The following PTPRN2 variants were observed in gnomAD, a reference collection of about 807,000 sequenced individuals.
The protein encoded by PTPRN2 is receptor-type tyrosine-protein phosphatase N2.
In PTPRN2, 74 loss-of-function variants were observed where a neutral mutation model predicts 118.8. The ratio of observed to expected loss-of-function variants is 0.62; its 90% CI spans 0.52 to 0.76. The LOEUF (loss-of-function observed/expected upper bound fraction) is 0.76, where lower values mean the gene tolerates loss of function less well. PTPRN2 is among the 30% of genes least tolerant of loss of function. The probability of loss-of-function intolerance (pLI) is 0.00; values close to 1 mark genes in which losing one functional copy is unlikely to be tolerated. For synonymous variants in PTPRN2, 641 were observed against 608.0 expected, an observed-to-expected ratio of 1.05 and a Z score of -0.80; for missense variants, 1,481 against 1,394.4, an observed-to-expected ratio of 1.06 and a Z score of -0.99.
intron 2 of PTPRN2, among the ~76,000 whole-genome samples, chr7:158,321,314 G>A (rs1052373319): frequency 5.3e-5 from 8 of 152,294 alleles, no homozygotes; most frequent in African/African-American, 1.7e-4. Flanking sequence ...CCCCTCCTCT[G>A]CGGGACTCCT....
At chr7:158,150,438 C>T (rs376401834) in intron 6 of PTPRN2, among the ~76,000 whole-genome samples, 6 of 152,154 alleles carry the variant, frequency 3.9e-5, no homozygotes, top group East Asian at 3.9e-4. Flanking sequence ...GCAGCTCTGC[C>T]GCCCTGACCT....
chr7:158,351,942 GACCGC>G (rs1199622836), intron 2 of PTPRN2, among the ~76,000 whole-genome samples: 22 of 107,438 alleles, frequency 2.0e-4, no homozygotes, highest in Non-Finnish European at 2.8e-4. Flanking sequence ...CTCCCCTCCT[GACCGC>G]TCCCCTCCTG....
At chr7:158,054,133 G>A (rs1465119213) in intron 11 of PTPRN2, among the ~76,000 whole-genome samples, 1 of 152,160 alleles carries the variant, frequency 6.6e-6, no homozygotes, top group Admixed American at 6.5e-5. Flanking sequence ...AGACCCTAGA[G>A]AGCATGGGGG....
chr7:157,841,579 A>T (rs577183208), intron 12 of PTPRN2, among the ~76,000 whole-genome samples: 2 of 152,198 alleles, frequency 1.3e-5, no homozygotes, highest in Non-Finnish European at 2.9e-5. Flanking sequence ...AGGGCCAGTA[A>T]TTACCCGAGG....
At chr7:157,998,840 C>G (rs543875475) in intron 11 of PTPRN2, among the ~76,000 whole-genome samples, 16 of 149,394 alleles carry the variant, frequency 1.1e-4, no homozygotes, top group South Asian at 2.2e-4. Flanking sequence ...AAAAAAAACT[C>G]TACTTCAAGT....
At position 158,262,623 on chromosome 7, in the gene PTPRN2, ACATT is replaced by A. The variant is rs1305842728; in HGVS notation, c.277+54192_277+54195del. ...ATTCACACACACTGCACACACACATACATTCACACTGCAAACATTCACTGCACAC... is the reference window on the plus strand; with the variant it reads ...ATTCACACACACTGCACACACACATACACACTGCAAACATTCACTGCACAC... On this transcript the variant is annotated intron_variant, in intron 3 of 22. Transcript: ENST00000389418. 2.3e-5 allele frequency among the ~76,000 whole-genome samples: 3 copies of A among 131,614 alleles called. No individual in the cohort carries two copies. The East Asian group carries it at 6.1e-4, about 27-fold the overall frequency. The allele number at this position is 131,614 out of a possible 152,430, so 86.3% of individuals were successfully genotyped here. A position where few individuals can be genotyped will look rare whatever the true frequency, so the allele number is the denominator to read the frequency against.
chr7:158,334,207 C>T (rs1805111828), intron 2 of PTPRN2, among the ~76,000 whole-genome samples: 1 of 822 alleles, frequency 1.2e-3, no homozygotes, highest in African/African-American at 6.3e-3. Flanking sequence ...GCAGACGGAA[C>T]TCACACCCAC....
In PTPRN2 at chr7:158,523,704, C is replaced by CGTCTGCCCTGGAGTGGA. The variant is rs1563393370; in HGVS notation, c.113-33936_113-33920dup. On this transcript the variant is annotated intron_variant, in intron 1 of 22. Transcript: ENST00000389418. ...GGAGTCGTCTGCCCTGGAGTGGAGTCGTCTGCCCTGGAGTGGAGTCTGCCC... is the reference window on the plus strand; with the variant it reads ...GGAGTCGTCTGCCCTGGAGTGGAGTCGTCTGCCCTGGAGTGGAGTCTGCCCTGGAGTGGAGTCTGCCC... 1.2e-3 allele frequency among the ~76,000 whole-genome samples: 136 copies of CGTCTGCCCTGGAGTGGA among 108,848 alleles called. 4 individuals are homozygous for CGTCTGCCCTGGAGTGGA. The highest frequency in any genetic ancestry group is 4.5e-3 in the African/African-American group (122 of 27,088). 71.4% of individuals were successfully genotyped at this position (108,848 alleles called of 152,430 possible).
chr7:157,767,137 G>A (rs1228719233), intron 12 of PTPRN2, among the ~76,000 whole-genome samples: 1 of 149,922 alleles, frequency 6.7e-6, no homozygotes, highest in Admixed American at 6.6e-5. Flanking sequence ...GTGTAGATGA[G>A]GAGCTCTGGG....
chr7:158,041,129 G>A (rs565139246), intron 11 of PTPRN2, among the ~76,000 whole-genome samples: 1 of 152,290 alleles, frequency 6.6e-6, no homozygotes, highest in African/African-American at 2.4e-5. Context: ...CAGATACCAG[G>A]GAAAGCATTC....
chr7:157,643,315 G>A (rs985925867), intron 14 of PTPRN2, among the ~76,000 whole-genome samples: 1 of 152,180 alleles, frequency 6.6e-6, no homozygotes, highest in African/African-American at 2.4e-5. Flanking sequence ...GAAAAATAAA[G>A]CACTAGCATG....
At chr7:158,448,964 AC>A (rs1380508846) in intron 2 of PTPRN2, among the ~76,000 whole-genome samples, 1 of 151,762 alleles carries the variant, frequency 6.6e-6, no homozygotes, top group Non-Finnish European at 1.5e-5. Context: ...TTAAGGTGAC[AC>A]CCCCGCCTCC....
At chr7:157,908,262 C>T (rs1322389954) in intron 11 of PTPRN2, among the ~76,000 whole-genome samples, 2 of 152,236 alleles carry the variant, frequency 1.3e-5, no homozygotes, top group Admixed American at 6.5e-5. Context: ...ATGTCCCCTG[C>T]GCCCAGCACT....
intron 22 of PTPRN2, among the ~76,000 whole-genome samples, chr7:157,548,222 CAACAACAACAACAAACA>C (rs1276521248): frequency 6.6e-6 from 1 of 150,644 alleles, no homozygotes; most frequent in Non-Finnish European, 1.5e-5. Flanking sequence ...TCTCAGAAAG[CAACAACAACAACAAACA>C]AACAACAACA....
intron 12 of PTPRN2, among the ~76,000 whole-genome samples, chr7:157,871,193 T>C (rs1296177290): frequency 6.6e-6 from 1 of 152,184 alleles, no homozygotes; most frequent in Non-Finnish European, 1.5e-5. Flanking sequence ...TGCTCAAAGC[T>C]GTGGTTCTCA....
At position 158,133,872 on chromosome 7, in the gene PTPRN2, T is replaced by C. The variant is rs748926856; in HGVS notation, c.1361A>G (p.Lys454Arg). The C allele has an allele frequency of 1.2e-5, 19 of 1,613,910 alleles. No individual in the cohort carries two copies. The highest frequency in any genetic ancestry group is 9.9e-5 in the South Asian group (9 of 91,076). ...ATGCGGCTGCTGCCCCAGCAGATCT[T>C]TGGAATACGTCTGGCTCTTGACGTT... ...VENVKSQTYS[K>R]DLLGQQPHSE... Residue 454 changes from lysine (K) to arginine (R), a missense_variant, in exon 9 of 23, where the codon AAA becomes AGA. By Grantham distance (26) the Lys-to-Arg change is conservative. Around this residue, in one of 3 missense-constraint regions of PTPRN2, gnomAD observed 1,115 missense variants for 994.2 expected, o/e 1.12. Coordinates refer to ENST00000389418, the MANE Select transcript of PTPRN2 (RefSeq NM_002847.5).
chr7:157,925,909 G>A (rs1425908147), intron 11 of PTPRN2, among the ~76,000 whole-genome samples: 1 of 152,100 alleles, frequency 6.6e-6, no homozygotes, highest in Non-Finnish European at 1.5e-5. Context: ...CTCTTCTTCT[G>A]TGTCGTTCTA....
intron 21 of PTPRN2, 29 bp downstream of exon 21, chr7:157,568,873 G>C: frequency 6.5e-7 from 1 of 1,532,278 alleles, no homozygotes; most frequent in Non-Finnish European, 9.0e-7. Context: ...GCTCTGAGCC[G>C]CAACAAAGCG....
chr7:158,143,697 C>A (rs529073210), intron 6 of PTPRN2, among the ~76,000 whole-genome samples: 7 of 152,314 alleles, frequency 4.6e-5, no homozygotes, highest in Admixed American at 4.6e-4. Flanking sequence ...TGACCAGAGG[C>A]CTCGTCTGGG....
Sources: allele counts gnomAD v4.1 joint callset (sites outside exome capture counted in the v4.1 genomes callset), GRCh38; gene constraint gnomAD v4.1.1; regional missense constraint gnomAD v4.1.1; transcripts MANE v1.5; gene names NCBI Gene and HGNC (gene_info 2026-07-23, HGNC 2026-07-21).